Variants in KIF4A observed in about 807,000 individuals in gnomAD.
The protein encoded by KIF4A is chromosome-associated kinesin KIF4A.
A neutral mutation model predicts 105.9 loss-of-function variants in KIF4A; 7 were observed. The observed-to-expected ratio is 0.07, with a 90% CI of 0.04 to 0.12. The LOEUF is 0.12. Among genes scored for constraint, KIF4A ranks in the 10% least tolerant of loss-of-function variants. The probability of loss-of-function intolerance (pLI) is 1.00; values close to 1 mark genes in which losing one functional copy is unlikely to be tolerated. For missense variants in KIF4A, 558 were observed against 929.2 expected (o/e 0.60, Z 5.19); for synonymous variants, 281 against 331.3 (o/e 0.85, Z 1.65).
chrX:70,344,109 G>A (rs1602758970), intron 13 of KIF4A, 127 bp downstream of exon 13: 1 of 488,907 alleles, frequency 2.0e-6, no homozygotes, highest in East Asian at 3.6e-5. Context: ...TTGGACAGAG[G>A]TCGTGGATCA....
chrX:70,416,114 G>C (rs905553650), intron 28 of KIF4A, among the ~76,000 whole-genome samples: 1 of 109,592 alleles, frequency 9.1e-6, no homozygotes, highest in African/African-American at 3.3e-5. Context: ...TGATCTGCCC[G>C]CCTCGGCCTC....
rs34377717 is a variant in KIF4A at position 70,317,544 on chromosome X, C to CTTT, written c.779-11844_779-11842dup. 2.1e-3 allele frequency among the ~76,000 whole-genome samples: 144 copies of CTTT among 69,371 alleles called. 5 individuals are homozygous for CTTT. The highest frequency in any genetic ancestry group is 6.9e-3 in the African/African-American group (112 of 16,327). 60.2% of individuals were successfully genotyped at this position (69,371 alleles called of 115,157 possible). ...ACTTTTGTGATGTCAATTCCCTTGC[C>CTTT]TTTTTTTTTTTTTTTTTTTGAGACA... On this transcript the variant is annotated intron_variant, in intron 7 of 30. Transcript: ENST00000374403.
At chrX:70,419,920 C>A in intron 30 of KIF4A, 137 bp downstream of exon 30, 1 of 1,021,338 alleles carries the variant, frequency 9.8e-7, no homozygotes, top group Non-Finnish European at 1.3e-6. Context: ...CGGGCATAGA[C>A]TCTAGTCTGG....
At chrX:70,412,939 GAA>G (rs1283916395) in intron 28 of KIF4A, among the ~76,000 whole-genome samples, 11 of 32,248 alleles carry the variant, frequency 3.4e-4, no homozygotes, top group Non-Finnish European at 1.5e-3. Flanking sequence ...AAAAAAAAAA[GAA>G]GGGCATTTCT....
intron 18 of KIF4A, among the ~76,000 whole-genome samples, chrX:70,378,643 G>A (rs1167371105): frequency 3.7e-5 from 4 of 108,338 alleles, no homozygotes; most frequent in African/African-American, 1.3e-4. Flanking sequence ...CAGGAGAATC[G>A]CTTGAACCCG....
Position 70,398,613 on chromosome X carries a change from C to T in KIF4A, c.2489+2564C>T, listed in dbSNP as rs138783690. Among the ~76,000 whole-genome samples the T allele has an allele frequency of 4.0e-3, 452 of 112,058 alleles. 3 individuals carry two copies. The highest frequency in any genetic ancestry group is 0.014 in the African/African-American group (434 of 30,926). ...CAGAAGCCTTCCCTGACTTTTTAAT[C>T]CCTCACTAATCTTCCTTGTTCTCTA... On this transcript the variant is annotated intron_variant, in intron 22 of 30. Transcript: ENST00000374403.
At chrX:70,402,845 G>T in intron 23 of KIF4A, 150 bp downstream of exon 23, 1 of 702,988 alleles carries the variant, frequency 1.4e-6, no homozygotes. Flanking sequence ...GATAAAGGTT[G>T]GTGTAAGCAA....
intron 15 of KIF4A, 119 bp downstream of exon 15, chrX:70,353,926 A>C: frequency 1.7e-6 from 1 of 576,908 alleles, no homozygotes; most frequent in Non-Finnish European, 2.6e-6. Context: ...ATATAGTATA[A>C]TGGGAGTTGT....
intron 7 of KIF4A, among the ~76,000 whole-genome samples, chrX:70,318,790 T>A (rs1006407322): frequency 3.6e-5 from 4 of 112,324 alleles, no homozygotes; most frequent in Non-Finnish European, 7.5e-5. Context: ...TGTTCACGTC[T>A]TGCTCATTTT....
At chrX:70,330,885 G>A (rs780581229) in intron 9 of KIF4A, among the ~76,000 whole-genome samples, 3 of 112,173 alleles carry the variant, frequency 2.7e-5, no homozygotes, top group Non-Finnish European at 3.8e-5. Context: ...AGTATTTGCA[G>A]GATGAGAAAC....
chrX:70,417,700 T>A (rs1422075101), intron 28 of KIF4A, among the ~76,000 whole-genome samples, 188 bp from the exon 29 acceptor site: 1 of 112,311 alleles, frequency 8.9e-6, no homozygotes, highest in African/African-American at 3.2e-5. Context: ...ACTTGTTCTC[T>A]TTAAACCTAT....
chrX:70,374,479 A>T (rs2086167139), intron 16 of KIF4A, among the ~76,000 whole-genome samples: 1 of 112,133 alleles, frequency 8.9e-6, no homozygotes, highest in Non-Finnish European at 1.9e-5. Context: ...GTAGCCAAAT[A>T]AATTTCTTAG....
chrX:70,364,464 G>T (rs371700033), intron 15 of KIF4A, among the ~76,000 whole-genome samples: 270 of 108,511 alleles, frequency 2.5e-3, no homozygotes, highest in Non-Finnish European at 4.1e-3. Flanking sequence ...CATATGGCTA[G>T]CCAGTTTTCC....
At chrX:70,340,062 T>C (rs952766061) in intron 10 of KIF4A, among the ~76,000 whole-genome samples, 1 of 111,283 alleles carries the variant, frequency 9.0e-6, no homozygotes, top group African/African-American at 3.3e-5. Context: ...GTAGTCAGCA[T>C]GGTAGTTAAG....
intron 28 of KIF4A, among the ~76,000 whole-genome samples, chrX:70,408,603 C>A (rs908884621): frequency 8.9e-6 from 1 of 111,815 alleles, no homozygotes; most frequent in Non-Finnish European, 1.9e-5. Context: ...TAGCTCATCA[C>A]CTGGGGAACT....
At chrX:70,399,694 C>T (rs190303537) in intron 22 of KIF4A, among the ~76,000 whole-genome samples, 2 of 101,651 alleles carry the variant, frequency 2.0e-5, no homozygotes, top group Admixed American at 1.1e-4. Flanking sequence ...AGTAAACTAT[C>T]GCAAGGACAA....
chrX:70,362,229 GC>G (rs1337454205), intron 15 of KIF4A: 1 of 348,530 alleles, frequency 2.9e-6, no homozygotes, highest in Non-Finnish European at 5.7e-6. Flanking sequence ...GTTGACCAAG[GC>G]CTTCCCCATT....
chrX:70,364,836 A>G (rs2086093994), intron 15 of KIF4A, among the ~76,000 whole-genome samples: 1 of 111,651 alleles, frequency 9.0e-6, no homozygotes, highest in Non-Finnish European at 1.9e-5. Context: ...CTTGGGCAGT[A>G]TGGCCATTTT....
At chrX:70,337,397 G>T (rs889984869) in intron 10 of KIF4A, among the ~76,000 whole-genome samples, 37 of 111,781 alleles carry the variant, frequency 3.3e-4, no homozygotes, top group African/African-American at 1.2e-3. Flanking sequence ...TGGGCCAGGC[G>T]TGGTGGCTCA....
Sources: allele counts gnomAD v4.1 joint callset (sites outside exome capture counted in the v4.1 genomes callset), GRCh38; gene constraint gnomAD v4.1.1; transcripts MANE v1.5; gene names NCBI Gene and HGNC (gene_info 2026-07-23, HGNC 2026-07-21).